Variants in NOS1AP observed in about 807,000 individuals in gnomAD.
The protein encoded by NOS1AP is carboxyl-terminal PDZ ligand of neuronal nitric oxide synthase protein.
NOS1AP carries 21 observed loss-of-function variants against 56.2 expected under a neutral mutation model. That is an observed-to-expected ratio of 0.37 (90% confidence interval 0.26 to 0.54). The LOEUF is 0.54. Among genes scored for constraint, NOS1AP ranks in the 20% least tolerant of loss-of-function variants. The pLI is 0.84. For missense variants in NOS1AP, 522 were observed against 657.8 expected (o/e 0.79, Z 2.26); for synonymous variants, 270 against 274.6 (o/e 0.98, Z 0.17).
intron 2 of NOS1AP, among the ~76,000 whole-genome samples, chr1:162,252,364 C>T (rs575955415): frequency 1.3e-5 from 2 of 152,200 alleles, no homozygotes; most frequent in East Asian, 3.9e-4. Context: ...GGGGTGGATT[C>T]TGAGATTAAT....
chr1:162,268,321 C>A (rs191490698), intron 2 of NOS1AP, among the ~76,000 whole-genome samples: 21 of 151,692 alleles, frequency 1.4e-4, no homozygotes, highest in South Asian at 4.2e-4. Flanking sequence ...GCTCCCCCCC[C>A]CTATTTCTAG....
intron 2 of NOS1AP, among the ~76,000 whole-genome samples, chr1:162,255,082 A>AT (rs1653981696): frequency 6.6e-6 from 1 of 152,236 alleles, no homozygotes; most frequent in South Asian, 2.1e-4. Flanking sequence ...TACAGCTTGA[A>AT]TGTGCTCATC....
At chr1:162,214,204 A>G (rs1262122145) in intron 2 of NOS1AP, among the ~76,000 whole-genome samples, 1 of 152,154 alleles carries the variant, frequency 6.6e-6, no homozygotes, top group Non-Finnish European at 1.5e-5. Context: ...AGAGATATCC[A>G]TTTATTTCAG....
chr1:162,140,971 G>A (rs918161005), intron 1 of NOS1AP, among the ~76,000 whole-genome samples: 11 of 152,004 alleles, frequency 7.2e-5, no homozygotes, highest in Non-Finnish European at 1.2e-4. Flanking sequence ...CTTTGCCTAC[G>A]TTTTATTGGA....
chr1:162,283,154 T>C (rs947552599), intron 2 of NOS1AP, among the ~76,000 whole-genome samples: 11 of 151,544 alleles, frequency 7.3e-5, no homozygotes, highest in Non-Finnish European at 1.3e-4. Context: ...TATACATATA[T>C]ATTTTTAACA....
intron 4 of NOS1AP, among the ~76,000 whole-genome samples, chr1:162,323,717 A>C (rs1475805027): frequency 6.6e-6 from 1 of 152,224 alleles, no homozygotes; most frequent in Non-Finnish European, 1.5e-5. Context: ...GATTCTTGTA[A>C]CAGTCCTGTG....
At chr1:162,362,876 A>G in intron 8 of NOS1AP, 1 of 847,236 alleles carries the variant, frequency 1.2e-6, no homozygotes, top group Non-Finnish European at 1.4e-6. Flanking sequence ...ATAGCCACCC[A>G]CCATCTGACA....
chr1:162,082,812 A>G (rs1691923261), intron 1 of NOS1AP, among the ~76,000 whole-genome samples: 1 of 152,184 alleles, frequency 6.6e-6, no homozygotes, highest in Non-Finnish European at 1.5e-5. Flanking sequence ...GGTCATTCCC[A>G]GAGATGTTGC....
chr1:162,243,387 T>G (rs1161957095), intron 2 of NOS1AP, among the ~76,000 whole-genome samples: 1 of 152,158 alleles, frequency 6.6e-6, no homozygotes, highest in Non-Finnish European at 1.5e-5. Flanking sequence ...ACTTCCTACA[T>G]TCTGTGTCCT....
intron 2 of NOS1AP, among the ~76,000 whole-genome samples, chr1:162,186,398 A>C (rs572760595): frequency 5.9e-5 from 9 of 152,204 alleles, no homozygotes; most frequent in Admixed American, 2.6e-4. Context: ...GATGAAGAAA[A>C]AAAACAAAAC....
chr1:162,215,583 C>G (rs1652542866), intron 2 of NOS1AP, among the ~76,000 whole-genome samples: 1 of 152,218 alleles, frequency 6.6e-6, no homozygotes, highest in Non-Finnish European at 1.5e-5. Flanking sequence ...GACCTGCTGC[C>G]TGGCCTGAGC....
intron 4 of NOS1AP, among the ~76,000 whole-genome samples, chr1:162,315,005 G>T (rs1282521200): frequency 6.6e-6 from 1 of 152,226 alleles, no homozygotes; most frequent in African/African-American, 2.4e-5. Flanking sequence ...TTTGCATTTT[G>T]TTAGAGGAGT....
At chr1:162,365,959 T>C (rs765183004) in intron 9 of NOS1AP, among the ~76,000 whole-genome samples, 3 of 152,210 alleles carry the variant, frequency 2.0e-5, no homozygotes, top group African/African-American at 7.2e-5. Flanking sequence ...GTGAGCTCTG[T>C]GGGAGACAGC....
chr1:162,128,998 A>C (rs1232722604), intron 1 of NOS1AP, among the ~76,000 whole-genome samples: 1 of 152,102 alleles, frequency 6.6e-6, no homozygotes, highest in Non-Finnish European at 1.5e-5. Flanking sequence ...GATAACCCCT[A>C]GGTTTATTTC....
chr1:162,177,777 T>C (rs2102141729), intron 2 of NOS1AP, among the ~76,000 whole-genome samples: 1 of 152,232 alleles, frequency 6.6e-6, no homozygotes, highest in African/African-American at 2.4e-5. Flanking sequence ...ATGCACAATG[T>C]CCCCCACTTT....
At chr1:162,073,169 T>A (rs1184738203) in intron 1 of NOS1AP, among the ~76,000 whole-genome samples, 1 of 152,212 alleles carries the variant, frequency 6.6e-6, no homozygotes, top group South Asian at 2.1e-4. Context: ...CTCATTTAAT[T>A]CTCACTACTT....
chr1:162,354,819 G>A (rs1657643174), intron 6 of NOS1AP, among the ~76,000 whole-genome samples: 1 of 152,196 alleles, frequency 6.6e-6, no homozygotes, highest in Non-Finnish European at 1.5e-5. Context: ...CCTCATTTCT[G>A]GACCCCCGGG....
rs572340095 is a variant in NOS1AP at position 162,111,153 on chromosome 1, T to C, written c.105+40871T>C. On this transcript the variant is annotated intron_variant, in intron 1 of 9. Coordinates refer to ENST00000361897, the MANE Select transcript of NOS1AP (RefSeq NM_014697.3). ...ACTGGGCAATGTGACACAGAGTGTC[T>C]GGAGTATAAGACTAGGATGCTGCTT... is the stretch of plus-strand genomic sequence containing the variant. Among the ~76,000 whole-genome samples the C allele has an allele frequency of 9.8e-5, 15 of 152,336 alleles. 1 individual carries two copies. In the South Asian group the frequency reaches 3.1e-3, roughly 32 times the overall value.
At chr1:162,289,236 C>T (rs1655196652) in intron 3 of NOS1AP, among the ~76,000 whole-genome samples, 3 of 61,872 alleles carry the variant, frequency 4.8e-5, no homozygotes, top group African/African-American at 2.0e-4. Flanking sequence ...TTCCTTCCTT[C>T]CTTCCTTCCT....
Sources: gnomAD v4.1 joint callset for allele counts (sites outside exome capture counted in the v4.1 genomes callset) on GRCh38, gnomAD v4.1.1 for gene constraint, MANE v1.5 for transcripts, NCBI Gene and HGNC (gene_info 2026-07-23, HGNC 2026-07-21) for gene names.